The following VPS53 variants were observed in gnomAD, a reference collection of about 807,000 sequenced individuals.
The protein encoded by VPS53 is VPS53 subunit of GARP complex, also known as vacuolar protein sorting-associated protein 53 homolog.
Under a neutral mutation model 107.0 loss-of-function variants are expected in VPS53, and 70 were observed. That is an observed-to-expected ratio of 0.65 (90% CI 0.54 to 0.80). VPS53 has a LOEUF of 0.80. Ranked by LOEUF, VPS53 falls within the 30% of genes least tolerant of loss-of-function variation. The pLI, the probability that VPS53 is intolerant of heterozygous loss-of-function variation, is 0.00. For missense variants in VPS53, 917 were observed against 1,049.4 expected (o/e 0.87, Z 1.74); for synonymous variants, 409 against 393.3 (o/e 1.04, Z -0.47).
intron 16 of VPS53, 86 bp from the exon 17 acceptor site, chr17:552,036 G>A: frequency 7.8e-7 from 1 of 1,289,940 alleles, no homozygotes; most frequent in Non-Finnish European, 1.1e-6. Context: ...GTAAAAATCA[G>A]ATTCATCATT....
At chr17:603,218 G>A (rs1435009729) in intron 11 of VPS53, among the ~76,000 whole-genome samples, 1 of 152,144 alleles carries the variant, frequency 6.6e-6, no homozygotes, top group African/African-American at 2.4e-5. Context: ...GAGGTCAGGA[G>A]TTCAAGACCA....
At chr17:699,299 T>A in intron 3 of VPS53, 32 bp downstream of exon 3, 2 of 1,485,434 alleles carry the variant, frequency 1.3e-6, no homozygotes, top group Non-Finnish European at 1.8e-6. Flanking sequence ...ATACTTTTCA[T>A]TAATTATGAA....
At chr17:530,063 T>A (rs1030237291) in intron 19 of VPS53, among the ~76,000 whole-genome samples, 8 of 152,108 alleles carry the variant, frequency 5.3e-5, no homozygotes, top group African/African-American at 1.9e-4. Flanking sequence ...ATGTTCATTT[T>A]TAAATTGTTT....
intron 15 of VPS53, among the ~76,000 whole-genome samples, chr17:554,722 C>G (rs1028161655): frequency 1.3e-5 from 2 of 152,202 alleles, no homozygotes; most frequent in African/African-American, 4.8e-5. Context: ...CGTGCCAGGA[C>G]AGAATAACCA....
chr17:696,523 C>T (rs1240225777), intron 4 of VPS53, among the ~76,000 whole-genome samples: 3 of 152,168 alleles, frequency 2.0e-5, no homozygotes, highest in South Asian at 2.1e-4. Context: ...GAGGACAGGA[C>T]ATGGCAAGAG....
intron 4 of VPS53, among the ~76,000 whole-genome samples, chr17:697,171 A>G (rs1361454231): frequency 6.6e-6 from 1 of 152,170 alleles, no homozygotes; most frequent in Non-Finnish European, 1.5e-5. Context: ...CACGAAGGAG[A>G]AAGACAAGGA....
intron 14 of VPS53, among the ~76,000 whole-genome samples, chr17:561,008 G>C (rs1045799920): frequency 6.6e-6 from 1 of 152,114 alleles, no homozygotes; most frequent in African/African-American, 2.4e-5. Context: ...GTTAAGAGAA[G>C]TCTGCACTGG....
At chr17:697,039 T>A (rs1972997102) in intron 4 of VPS53, among the ~76,000 whole-genome samples, 1 of 152,210 alleles carries the variant, frequency 6.6e-6, no homozygotes. Context: ...AAATGGTAAC[T>A]ATGTCAGGTT....
intron 12 of VPS53, among the ~76,000 whole-genome samples, chr17:590,038 C>A (rs1412030733): frequency 2.6e-5 from 4 of 152,066 alleles, no homozygotes; most frequent in South Asian, 2.1e-4. Flanking sequence ...TTGTTTGTAT[C>A]CTCTTTTATT....
At chr17:674,500 T>C (rs894648926) in intron 4 of VPS53, 3 of 152,244 alleles carry the variant, frequency 2.0e-5, no homozygotes, top group Non-Finnish European at 2.9e-5. Context: ...GTGTGATTTT[T>C]TTCTCTTCCT....
chr17:595,935 A>G (rs1020763725), intron 12 of VPS53, among the ~76,000 whole-genome samples: 1 of 141,300 alleles, frequency 7.1e-6, no homozygotes, highest in Non-Finnish European at 1.5e-5. Flanking sequence ...GGTCTGGATC[A>G]ATTTCCTCGT....
At chr17:685,414 TG>T (rs753410780) in intron 4 of VPS53, among the ~76,000 whole-genome samples, 4 of 152,224 alleles carry the variant, frequency 2.6e-5, no homozygotes, top group Non-Finnish European at 4.4e-5. Flanking sequence ...AACCATACTT[TG>T]GGTACCCATA....
rs557844860 is a variant in VPS53 at position 532,555 on chromosome 17, G to A, written c.2085+287C>T. 1.7e-4 allele frequency: 97 copies of A among 566,832 alleles called. 1 individual carries two copies. In the East Asian group the frequency reaches 2.8e-3, roughly 16 times the overall value. The allele number at this position is 566,832 out of a possible 1,614,324, so 35.1% of individuals were successfully genotyped here. On this transcript the variant is annotated intron_variant, in intron 19 of 21. Transcript: ENST00000437048. ...GGTTACAGCGTGAGCCGCTGTGCCC[G>A]GCCCAGCCACTTCTTCTTATTGGAG...
intron 18 of VPS53, among the ~76,000 whole-genome samples, chr17:535,141 G>C (rs1454549306): frequency 1.3e-5 from 2 of 152,108 alleles, no homozygotes; most frequent in African/African-American, 4.8e-5. Flanking sequence ...CTGTTAAGCG[G>C]GATTTTAGCA....
rs2151784088 is a variant in VPS53, at chr17:512,747, C to T, written c.*6381G>A. The T allele has an allele frequency of 6.6e-6, 1 of 152,356 alleles. No individual in the cohort carries two copies. Among genetic ancestry groups the T allele is most frequent in the South Asian group, 2.1e-4 (1 of 4,826 alleles). The allele number at this position is 152,356 out of a possible 1,614,324, so 9.4% of individuals were successfully genotyped here. On this transcript the variant is annotated 3_prime_UTR_variant, in exon 22 of 22. Transcript: ENST00000437048. ...CGAAGAGTTTTCATGGCAAAAACGT[C>T]CAACCAGCTACTAAGGAAACAGGAT...
At position 562,810 on chromosome 17, in the gene VPS53, G is replaced by A. The variant is rs1007379753; in HGVS notation, c.1314-65C>T. On this transcript the variant is annotated intron_variant, in intron 13 of 21. Coordinates refer to ENST00000437048, the MANE Select transcript of VPS53 (RefSeq NM_001128159.3). ...CAAGAAAAGTAAAGCAAATGTGCTC[G>A]TTTGCAATGTACATAAACTACTGCC... 122 of 1,539,926 alleles carry A rather than the reference G, an allele frequency of 7.9e-5. 1 individual carries two copies. Among genetic ancestry groups the A allele is most frequent in the Non-Finnish European group, 8.3e-5 (95 of 1,138,484 alleles).
chr17:605,018 GT>G (rs1567668629), intron 11 of VPS53, among the ~76,000 whole-genome samples: 1 of 152,172 alleles, frequency 6.6e-6, no homozygotes, highest in African/African-American at 2.4e-5. Flanking sequence ...AAAAGCAGTC[GT>G]CATGGAAACG....
intron 4 of VPS53, among the ~76,000 whole-genome samples, chr17:682,170 T>C (rs532587461): frequency 6.6e-6 from 1 of 152,270 alleles, no homozygotes; most frequent in South Asian, 2.1e-4. Context: ...GTGATAAGCC[T>C]TTTTTAAACT....
intron 18 of VPS53, among the ~76,000 whole-genome samples, chr17:533,754 G>C (rs1311140434): frequency 6.6e-6 from 1 of 152,208 alleles, no homozygotes; most frequent in Admixed American, 6.5e-5. Flanking sequence ...AAACGAAGAT[G>C]GGGGCCATGT....
Sources: allele counts gnomAD v4.1 joint callset (sites outside exome capture counted in the v4.1 genomes callset), GRCh38; gene constraint gnomAD v4.1.1; transcripts MANE v1.5; gene names NCBI Gene and HGNC (gene_info 2026-07-23, HGNC 2026-07-21).